EPHA6: variants seen among roughly 807,000 people sequenced by gnomAD.
EPHA6 encodes the protein EPH receptor A6, also known as ephrin type-A receptor 6.
A neutral mutation model predicts 112.0 loss-of-function variants in EPHA6; 50 were observed. The ratio of observed to expected loss-of-function variants is 0.45; its 90% CI spans 0.36 to 0.56. EPHA6 has a LOEUF of 0.56. EPHA6 is among the 20% of genes least tolerant of loss of function. EPHA6 has a pLI of 0.00. For synonymous variants in EPHA6, 529 were observed against 490.7 expected (o/e 1.08, Z -1.03); for missense variants, 1,280 against 1,417.4 (o/e 0.90, Z 1.56).
chr3:97,451,112 A>G (rs866444923), intron 7 of EPHA6, among the ~76,000 whole-genome samples: 4 of 152,014 alleles, frequency 2.6e-5, no homozygotes, highest in South Asian at 2.1e-4. Context: ...TGGTAGATGA[A>G]GGTGGAGAGT....
At chr3:97,651,693 T>G (rs144372044) in intron 14 of EPHA6, among the ~76,000 whole-genome samples, 1,555 of 152,134 alleles carry the variant, frequency 0.01, 9 homozygotes, top group Non-Finnish European at 0.016. Context: ...CCTTTTCCCA[T>G]GATTTTAGAA....
intron 11 of EPHA6, among the ~76,000 whole-genome samples, chr3:97,541,126 T>TA (rs113407050): frequency 0.017 from 2,446 of 147,670 alleles, 76 homozygotes; most frequent in African/African-American, 0.06. Flanking sequence ...AATTTCTAGT[T>TA]AAAAAAAATC....
chr3:97,223,998 G>A (rs1236990542), intron 3 of EPHA6, among the ~76,000 whole-genome samples: 1 of 151,668 alleles, frequency 6.6e-6, no homozygotes, highest in Admixed American at 6.6e-5. Flanking sequence ...ATTGAGATCT[G>A]CTAAAGTACA....
At chr3:97,014,041 C>T (rs924166353) in intron 3 of EPHA6, among the ~76,000 whole-genome samples, 1 of 151,982 alleles carries the variant, frequency 6.6e-6, no homozygotes, top group African/African-American at 2.4e-5. Context: ...AATATTTTAT[C>T]ATTATATTTA....
intron 11 of EPHA6, among the ~76,000 whole-genome samples, chr3:97,570,935 A>G (rs1052409691): frequency 2.6e-5 from 4 of 152,188 alleles, no homozygotes; most frequent in Non-Finnish European, 5.9e-5. Flanking sequence ...TGTAGAGTCT[A>G]GATACCAGAA....
chr3:97,184,825 C>G (rs141442686), intron 3 of EPHA6, among the ~76,000 whole-genome samples: 2,310 of 152,236 alleles, frequency 0.015, 74 homozygotes, highest in African/African-American at 0.053. Context: ...TACTTCAAGG[C>G]TACAGTAACC....
In EPHA6 at chr3:97,183,663, T is replaced by A. The variant is rs1576635656; in HGVS notation, c.1115-42601T>A. On this transcript the variant is annotated intron_variant, in intron 3 of 17. Transcript: ENST00000389672. The stretch of plus-strand genomic sequence containing the variant: ...TGGCCTCACTTTATAATATTAAAGA[T>A]GTTAGTCATTATTGGCAGTCTTAAT... 3.9e-5 allele frequency among the ~76,000 whole-genome samples: 6 copies of A among 152,266 alleles called. 1 individual carries two copies. In the South Asian group the frequency reaches 1.2e-3, roughly 32 times the overall value.
At chr3:97,631,080 T>A (rs1285601975) in intron 13 of EPHA6, among the ~76,000 whole-genome samples, 1 of 152,102 alleles carries the variant, frequency 6.6e-6, no homozygotes, top group East Asian at 1.9e-4. Flanking sequence ...CTCCAGATGA[T>A]TTTTCATCTT....
intron 3 of EPHA6, among the ~76,000 whole-genome samples, chr3:97,189,630 C>T (rs996847327): frequency 6.6e-6 from 1 of 152,062 alleles, no homozygotes; most frequent in Non-Finnish European, 1.5e-5. Context: ...TCTTCTCACA[C>T]TTTTCACCAC....
At position 97,215,536 on chromosome 3, in the gene EPHA6, G is replaced by A. The variant is rs551571681; in HGVS notation, c.1115-10728G>A. Among the ~76,000 whole-genome samples, 9 of 151,870 alleles carry A rather than the reference G, an allele frequency of 5.9e-5. No individual in the cohort carries two copies. The South Asian group carries it at 1.2e-3, about 21-fold the overall frequency. ...TGAGGCAGGAGAATTGCTTGAACCC[G>A]GGAGGCGGAGGTTGCAGTGAGCTGA... On this transcript the variant is annotated intron_variant, in intron 3 of 17. Transcript: ENST00000389672.
chr3:96,987,448 C>T lies in EPHA6; in HGVS notation c.569C>T (p.Ala190Val), dbSNP rs1416212958. ...CGTACAAACTGGATCTCCCGTGATG[C>T]AGCTCAGAAAATTTATGTGGAAATG... is the stretch of plus-strand genomic sequence containing the variant. ...WLRTNWISRD[A>V]AQKIYVEMKF... Residue 190 changes from alanine to valine, a missense_variant, in exon 3 of 18, where the codon GCA (alanine) becomes GTA (valine). Ala to Val is a moderately conservative substitution (Grantham distance 64). This residue lies in a region of EPHA6 where 878 missense variants were observed against 999.7 expected (regional missense o/e 0.88). Transcript: ENST00000389672. 1.9e-6 allele frequency: 3 copies of T among 1,613,734 alleles called. No homozygotes were observed. Among genetic ancestry groups the T allele is most frequent in the Admixed American group, 1.7e-5 (1 of 59,966 alleles).
intron 5 of EPHA6, among the ~76,000 whole-genome samples, chr3:97,273,244 C>A (rs1414018100): frequency 2.0e-5 from 3 of 152,128 alleles, no homozygotes; most frequent in African/African-American, 7.2e-5. Context: ...CATAGTCCTG[C>A]CAGCAAAGAT....
At chr3:96,888,696 C>T (rs964379092) in intron 2 of EPHA6, among the ~76,000 whole-genome samples, 1 of 152,138 alleles carries the variant, frequency 6.6e-6, no homozygotes, top group African/African-American at 2.4e-5. Flanking sequence ...ACCACTTTTT[C>T]TTTCTAGGCC....
intron 3 of EPHA6, among the ~76,000 whole-genome samples, chr3:97,017,523 A>T (rs1393418906): frequency 1.3e-5 from 2 of 152,154 alleles, no homozygotes; most frequent in African/African-American, 4.8e-5. Flanking sequence ...TAAACGGGAA[A>T]GGCAGTCTAG....
At chr3:97,745,395 A>G (rs13064654) in intron 16 of EPHA6, 3 of 453,690 alleles carry the variant, frequency 6.6e-6, no homozygotes, top group Non-Finnish European at 4.4e-6. Flanking sequence ...AATTAAAATG[A>G]AACAGCCCAC....
chr3:97,400,385 G>A (rs1038771185), intron 5 of EPHA6, among the ~76,000 whole-genome samples: 1 of 151,718 alleles, frequency 6.6e-6, no homozygotes, highest in Non-Finnish European at 1.5e-5. Context: ...GTCAGGCAGT[G>A]TGATGCCTCC....
intron 5 of EPHA6, among the ~76,000 whole-genome samples, chr3:97,295,180 T>C (rs1168601133): frequency 1.3e-5 from 2 of 152,180 alleles, no homozygotes; most frequent in Admixed American, 6.5e-5. Context: ...ATGACTTTGG[T>C]CTCCTCCTTA....
At chr3:97,328,390 C>A (rs1461557453) in intron 5 of EPHA6, among the ~76,000 whole-genome samples, 2 of 151,790 alleles carry the variant, frequency 1.3e-5, no homozygotes, top group African/African-American at 4.8e-5. Context: ...TTTATTTTAG[C>A]CATTAGTTGG....
chr3:97,291,382 C>G (rs957009153), intron 5 of EPHA6, among the ~76,000 whole-genome samples: 5 of 152,000 alleles, frequency 3.3e-5, no homozygotes, highest in African/African-American at 1.2e-4. Context: ...TCTGTTAGAT[C>G]CCTCTGGTCA....
Sources: gnomAD v4.1 joint callset for allele counts (sites outside exome capture counted in the v4.1 genomes callset) on GRCh38, gnomAD v4.1.1 for gene constraint, gnomAD v4.1.1 regional missense constraint, MANE v1.5 for transcripts, NCBI Gene and HGNC (gene_info 2026-07-23, HGNC 2026-07-21) for gene names.